Variants in FH observed in about 807,000 individuals in gnomAD.
The protein encoded by FH is fumarate hydratase, also known as fumarate hydratase, mitochondrial.
Under a neutral mutation model 49.4 loss-of-function variants are expected in FH, and 22 were observed. The ratio of observed to expected loss-of-function variants is 0.45; its 90% CI spans 0.32 to 0.64. The LOEUF is 0.64. Among genes scored for constraint, FH ranks in the 30% least tolerant of loss-of-function variants. The pLI is 0.05. For synonymous variants in FH, 208 were observed against 223.0 expected, an observed-to-expected ratio of 0.93 and a Z score of 0.60; for missense variants, 526 against 641.5, an observed-to-expected ratio of 0.82 and a Z score of 1.95.
Position 241,519,731 on chromosome 1 carries a change from G to C in FH, c.-9C>G. 2 of 1,530,138 alleles carry C rather than the reference G, an allele frequency of 1.3e-6. No homozygotes were observed. Among genetic ancestry groups the C allele is most frequent in the Non-Finnish European group, 1.8e-6 (2 of 1,134,804 alleles). 94.8% of individuals were successfully genotyped at this position (1,530,138 alleles called of 1,614,324 possible). ...CGAAGTGCTCGGTACATGGTGCTGA[G>C]GGAGCTTGGGTAGAATTTCTGGGCG... is the stretch of plus-strand genomic sequence containing the variant. On this transcript the variant is annotated 5_prime_UTR_variant, in exon 1 of 10. Transcript: ENST00000366560.
At position 241,502,510 on chromosome 1, in the gene FH, T is replaced by C. The variant is rs1178007598; in HGVS notation, c.1169A>G (p.Asn390Ser). ...MTMVAAQVMGNHVAVTVGGSN... is the reference protein window; with the variant it reads ...MTMVAAQVMGSHVAVTVGGSN... ...GCCTCCGACAGTGACAGCAACATGG[T>C]TCCCCATGACTTGGGCTGCAACCAT... Residue 390 changes from asparagine to serine, a missense_variant, in exon 8 of 10, where the codon AAC (asparagine) becomes AGC (serine). Physicochemically the swap from Asn to Ser is conservative, Grantham distance 46. Around this residue, in one of 2 missense-constraint regions of FH, gnomAD observed 383 missense variants for 514.0 expected, o/e 0.75. Transcript: ENST00000366560. 6.8e-6 allele frequency: 11 copies of C among 1,614,152 alleles called. No individual in the cohort carries two copies. Among genetic ancestry groups the C allele is most frequent in the Non-Finnish European group, 8.5e-6 (10 of 1,179,990 alleles).
rs542014575 is a variant in FH at position 241,502,560 on chromosome 1, G to A, written c.1119C>T (p.Asn373=). Residue 373 remains asparagine, a synonymous_variant, in exon 8 of 10, where the codon AAC becomes AAT. Transcript: ENST00000366560. ...TGGTCATTGCTTCACACTGAGTAGG[G>A]TTCACCTTGCCTTCAAGAAAACCAC... The part of the protein sequence containing the change: ...PGSSIMPGKV[N]PTQCEAMTMV... 4 of 1,614,090 alleles carry A rather than the reference G, an allele frequency of 2.5e-6. No individual in the cohort carries two copies. The South Asian group carries it at 4.4e-5, about 18-fold the overall frequency.
At chr1:241,502,783 A>G (rs1450065246) in intron 7 of FH, among the ~76,000 whole-genome samples, 1 of 152,214 alleles carries the variant, frequency 6.6e-6, no homozygotes, top group Non-Finnish European at 1.5e-5. Context: ...ACAACTACAC[A>G]TTAAATATAG....
intron 2 of FH, among the ~76,000 whole-genome samples, chr1:241,516,679 A>T (rs1660220930): frequency 6.7e-6 from 1 of 149,854 alleles, no homozygotes; most frequent in African/African-American, 2.5e-5. Context: ...TTTGAGACGG[A>T]GTCTCACTCT....
At chr1:241,514,277 A>G (rs1229987954) in intron 2 of FH, among the ~76,000 whole-genome samples, 1 of 152,206 alleles carries the variant, frequency 6.6e-6, no homozygotes, top group African/African-American at 2.4e-5. Context: ...CTACTTAGCT[A>G]GTAAAGCCTT....
At position 241,497,753 on chromosome 1, in the gene FH, T is replaced by C; in HGVS notation, c.*75A>G. ...TTCAATAGCAGTTTCCTTTCAAACT[T>C]ATCCGTTTTTAAGAAATGGGAGTCT... On this transcript the variant is annotated 3_prime_UTR_variant, in exon 10 of 10. Coordinates refer to ENST00000366560, the MANE Select transcript of FH (RefSeq NM_000143.4). The C allele has an allele frequency of 1.5e-6, 2 of 1,371,710 alleles. No individual in the cohort carries two copies. Among genetic ancestry groups the C allele is most frequent in the South Asian group, 2.6e-5 (2 of 77,064 alleles). 85.0% of individuals were successfully genotyped at this position (1,371,710 alleles called of 1,614,324 possible).
chr1:241,501,885 G>GA (rs1411389121), intron 8 of FH, among the ~76,000 whole-genome samples: 1 of 152,216 alleles, frequency 6.6e-6, no homozygotes, highest in African/African-American at 2.4e-5. Context: ...CAAGTATGTG[G>GA]AAAGGTAAAG....
At chr1:241,519,462 T>C (rs1660311259) in intron 1 of FH, 129 bp downstream of exon 1, 1 of 1,171,328 alleles carries the variant, frequency 8.5e-7, no homozygotes, top group Non-Finnish European at 1.1e-6. Context: ...GCACGGGCGC[T>C]AAGCCCAGAG....
chr1:241,519,683 G>A lies in FH; in HGVS notation c.40C>T (p.Leu14Phe), dbSNP rs981562354. 1.1e-5 allele frequency: 17 copies of A among 1,547,094 alleles called. No individual in the cohort carries two copies. The highest frequency in any genetic ancestry group is 9.5e-5 in the South Asian group (8 of 83,800). Reference sequence around the variant, plus strand: ...AAGGCTGCGGCTGGAGCCCGCACGAGGGGACGCGAGCGCGCGAGGAGCCGA... The same window carrying A: ...AAGGCTGCGGCTGGAGCCCGCACGAAGGGACGCGAGCGCGCGAGGAGCCGA... ...ALRLLARSRP[L>F]VRAPAAALAS... The change falls in exon 1 of 10, where the codon CTC becomes TTC. Residue 14 changes from leucine to phenylalanine, a missense_variant. Physicochemically the swap from Leu to Phe is conservative, Grantham distance 22. Coordinates refer to ENST00000366560, the MANE Select transcript of FH (RefSeq NM_000143.4).
At chr1:241,508,541 G>A in intron 5 of FH, 62 bp downstream of exon 5, 1 of 1,433,698 alleles carries the variant, frequency 7.0e-7, no homozygotes. Context: ...AGATTTCAAG[G>A]ATGACACATT....
intron 8 of FH, 49 bp from the exon 9 acceptor site, chr1:241,500,639 G>GAGAC (rs766845458): frequency 2.5e-5 from 40 of 1,581,966 alleles, no homozygotes; most frequent in Non-Finnish European, 3.4e-5. Flanking sequence ...GAGAGAGAGA[G>GAGAC]ACATTACTAA....
chr1:241,510,862 G>C (rs1176407333), intron 4 of FH, among the ~76,000 whole-genome samples: 2 of 152,132 alleles, frequency 1.3e-5, no homozygotes, highest in African/African-American at 4.8e-5. Flanking sequence ...TTACCATGGA[G>C]AAACCTGGCA....
At chr1:241,517,378 C>T in intron 1 of FH, 62 bp from the exon 2 acceptor site, 3 of 1,573,670 alleles carry the variant, frequency 1.9e-6, no homozygotes, top group Non-Finnish European at 2.6e-6. Context: ...AAAGTAATCG[C>T]ATCTTATCAG....
At chr1:241,519,443 G>C in intron 1 of FH, 148 bp downstream of exon 1, 1 of 1,002,700 alleles carries the variant, frequency 1.0e-6, no homozygotes, top group South Asian at 1.9e-5. Flanking sequence ...CGGGAGGCCC[G>C]CCACGCCGGC....
At chr1:241,503,347 AC>A (rs1184472446) in intron 7 of FH, among the ~76,000 whole-genome samples, 1 of 152,218 alleles carries the variant, frequency 6.6e-6, no homozygotes, top group African/African-American at 2.4e-5. Flanking sequence ...GGCCTTTCTC[AC>A]TATTAAAAGT....
Position 241,497,954 on chromosome 1 carries a change from T to G in FH, c.1407A>C (p.Ala469=). 6.2e-7 allele frequency: 1 copy of G among 1,614,094 alleles called. No individual in the cohort carries two copies. Among genetic ancestry groups the G allele is most frequent in the Non-Finnish European group, 8.5e-7 (1 of 1,179,992 alleles). The change falls in exon 10 of 10, where the codon GCA becomes GCC. Residue 469 remains alanine (A), a synonymous_variant. Transcript: ENST00000366560. ...LNPHIGYDKA[A]KIAKTAHKNG... ...TTTTGTGTGCTGTCTTAGCAATCTT[T>G]GCTGCCTTGTCATACCCTGAAGAAA...
intron 2 of FH, among the ~76,000 whole-genome samples, chr1:241,514,484 T>C (rs1284972305): frequency 1.3e-5 from 2 of 152,164 alleles, no homozygotes; most frequent in Non-Finnish European, 2.9e-5. Context: ...ATAAGACAAG[T>C]GAATTGTGAG....
chr1:241,504,379 G>A lies in FH; in HGVS notation c.905-134C>T. On this transcript the variant is annotated intron_variant, in intron 6 of 9. Coordinates refer to ENST00000366560, the MANE Select transcript of FH (RefSeq NM_000143.4). ...ACTTCAGAAAAAAATGTTTACTTAA[G>A]ACTCAAATTTTGTCTACATTTTTAA... The A allele has an allele frequency of 7.4e-6, 6 of 814,240 alleles. No individual in the cohort carries two copies. The East Asian group carries it at 1.1e-4, about 14-fold the overall frequency. 50.4% of individuals were successfully genotyped at this position (814,240 alleles called of 1,614,324 possible).
At chr1:241,517,830 C>A (rs990954734) in intron 1 of FH, among the ~76,000 whole-genome samples, 1 of 151,984 alleles carries the variant, frequency 6.6e-6, no homozygotes, top group Non-Finnish European at 1.5e-5. Flanking sequence ...CATCATGCTA[C>A]CAAGTCAGTA....
Sources: allele counts gnomAD v4.1 joint callset (sites outside exome capture counted in the v4.1 genomes callset), GRCh38; gene constraint gnomAD v4.1.1; regional missense constraint gnomAD v4.1.1; transcripts MANE v1.5; gene names NCBI Gene and HGNC (gene_info 2026-07-23, HGNC 2026-07-21).